TTLL11: variants seen among roughly 807,000 people sequenced by gnomAD.
TTLL11 encodes the protein tubulin polyglutamylase TTLL11.
A neutral mutation model predicts 51.7 loss-of-function variants in TTLL11; 42 were observed. That is an observed-to-expected ratio of 0.81 (90% CI 0.64 to 1.05). TTLL11 has a LOEUF of 1.05. Among genes scored for constraint, TTLL11 ranks in the 50% least tolerant of loss-of-function variants. TTLL11 has a pLI of 0.00. For synonymous variants in TTLL11, 381 were observed against 383.5 expected (o/e 0.99, Z 0.08); for missense variants, 799 against 940.4 (o/e 0.85, Z 1.97).
In TTLL11 at chr9:122,019,196, C is replaced by CT. The variant is rs544672600; in HGVS notation, c.693+12526dup. Among the ~76,000 whole-genome samples, 71 of 152,314 alleles carry CT rather than the reference C, an allele frequency of 4.7e-4. No homozygotes were observed. The South Asian group carries it at 8.3e-3, about 18-fold the overall frequency. Reference sequence around the variant, plus strand: ...TCCTGCCTGAGTGTCTCCATACAACCTTCAGCATCTCTTCTGCCTAGATGA... The same window carrying CT: ...TCCTGCCTGAGTGTCTCCATACAACCTTTCAGCATCTCTTCTGCCTAGATGA... On this transcript the variant is annotated intron_variant, in intron 3 of 8. Coordinates refer to ENST00000321582, the MANE Select transcript of TTLL11 (RefSeq NM_001139442.2).
At chr9:121,947,255 G>A (rs914185654) in intron 6 of TTLL11, among the ~76,000 whole-genome samples, 4 of 152,126 alleles carry the variant, frequency 2.6e-5, no homozygotes, top group Non-Finnish European at 5.9e-5. Flanking sequence ...CATGGAAATA[G>A]ACAAACACTA....
chr9:121,954,552 A>G (rs542308095), intron 6 of TTLL11, among the ~76,000 whole-genome samples: 3 of 152,236 alleles, frequency 2.0e-5, no homozygotes, highest in Non-Finnish European at 4.4e-5. Flanking sequence ...TAGCGTTCAT[A>G]ACCAGAACTA....
chr9:122,085,440 A>T (rs978255125), intron 1 of TTLL11, among the ~76,000 whole-genome samples: 1 of 152,150 alleles, frequency 6.6e-6, no homozygotes, highest in Non-Finnish European at 1.5e-5. Context: ...CATTCACCCA[A>T]AATGCAACTG....
intron 8 of TTLL11, among the ~76,000 whole-genome samples, chr9:121,826,217 TGCACAC>T (rs1212064205): frequency 2.4e-3 from 139 of 57,888 alleles, no homozygotes; most frequent in Admixed American, 3.7e-3. Context: ...TATATATATA[TGCACAC>T]ATATATATAT....
intron 6 of TTLL11, among the ~76,000 whole-genome samples, chr9:121,915,151 C>G (rs1840279316): frequency 6.6e-6 from 1 of 152,178 alleles, no homozygotes; most frequent in South Asian, 2.1e-4. Flanking sequence ...CTAGTGACCA[C>G]TGGACATAAA....
chr9:122,002,963 AAG>A lies in TTLL11; in HGVS notation c.694-13195_694-13194del, dbSNP rs1554780782. ...CTGTCTCAAAAAAAAAAAAAAAAAAAAGAGATCCCCAGCGTGTCGAGCCTCCC... is the reference window on the plus strand; with the variant it reads ...CTGTCTCAAAAAAAAAAAAAAAAAAAAGATCCCCAGCGTGTCGAGCCTCCC... On this transcript the variant is annotated intron_variant, in intron 3 of 8. Coordinates refer to ENST00000321582, the MANE Select transcript of TTLL11 (RefSeq NM_001139442.2). Among the ~76,000 whole-genome samples the A allele has an allele frequency of 8.0e-5, 12 of 150,102 alleles. 1 individual carries two copies. The highest frequency in any genetic ancestry group is 3.4e-3 in the Middle Eastern group (1 of 292).
At chr9:121,963,079 C>T (rs939770937) in intron 6 of TTLL11, among the ~76,000 whole-genome samples, 4 of 152,202 alleles carry the variant, frequency 2.6e-5, no homozygotes, top group African/African-American at 9.7e-5. Flanking sequence ...GTGGACTTGG[C>T]CATGCCACTC....
In TTLL11 at chr9:121,821,050, C is replaced by G. The variant is rs370258120; in HGVS notation, c.*1537G>C. ...CAGGCAAGGATGAACAGAGCAGCCC[C>G]TGCTCTGAAATCGCTTGCCAACAAT... On this transcript the variant is annotated 3_prime_UTR_variant, in exon 9 of 9. Transcript: ENST00000321582. This position sits in a 1 kb window ranked among gnomAD's most constrained non-coding sequence, Gnocchi z 5.0. Among the ~76,000 whole-genome samples, 1 of 152,062 alleles carries G rather than the reference C, an allele frequency of 6.6e-6. No individual in the cohort carries two copies. Among genetic ancestry groups the G allele is most frequent in the Non-Finnish European group, 1.5e-5 (1 of 68,006 alleles).
intron 3 of TTLL11, among the ~76,000 whole-genome samples, chr9:122,002,380 G>A (rs1408958752): frequency 6.6e-6 from 1 of 152,204 alleles, no homozygotes; most frequent in African/African-American, 2.4e-5. Flanking sequence ...AGGACAGGGA[G>A]GGAAGTTTTG....
chr9:121,825,903 G>A (rs1836737189), intron 8 of TTLL11, among the ~76,000 whole-genome samples: 1 of 151,384 alleles, frequency 6.6e-6, no homozygotes, highest in South Asian at 2.1e-4. Flanking sequence ...CGAGAAGTGG[G>A]ATCTCACTGT....
intron 1 of TTLL11, among the ~76,000 whole-genome samples, chr9:122,054,195 G>A (rs776152805): frequency 5.9e-5 from 9 of 152,008 alleles, no homozygotes; most frequent in Non-Finnish European, 1.2e-4. Context: ...CTGGAAGAGC[G>A]GTGGTGAGGC....
intron 1 of TTLL11, among the ~76,000 whole-genome samples, chr9:122,088,403 C>T (rs537347784): frequency 2.0e-5 from 3 of 152,314 alleles, no homozygotes; most frequent in African/African-American, 2.4e-5. Context: ...TCTACATCTG[C>T]GACCTCCAGC....
intron 3 of TTLL11, among the ~76,000 whole-genome samples, chr9:121,996,472 C>T (rs758948899): frequency 1.3e-5 from 2 of 152,192 alleles, no homozygotes; most frequent in Non-Finnish European, 2.9e-5. Context: ...CAGACACACA[C>T]ACACATGCAC....
At chr9:121,980,433 CA>C (rs2131671724) in intron 4 of TTLL11, among the ~76,000 whole-genome samples, 1 of 152,230 alleles carries the variant, frequency 6.6e-6, no homozygotes, top group South Asian at 2.1e-4. Flanking sequence ...GGAAAAGCAC[CA>C]AAAGCTCTGA....
At position 121,978,814 on chromosome 9, in the gene TTLL11, C is replaced by T. The variant is rs115986219; in HGVS notation, c.1270-3835G>A. On this transcript the variant is annotated intron_variant, in intron 4 of 8. Transcript: ENST00000321582. The stretch of plus-strand genomic sequence containing the variant: ...CTAACAGCAGTGGTTCGTTCCTGAG[C>T]CCCACGCCTACCCTTCCATCTGCAT... Among the ~76,000 whole-genome samples the T allele has an allele frequency of 7.4e-3, 1,134 of 152,220 alleles. 9 individuals are homozygous for T. Among genetic ancestry groups the T allele is most frequent in the African/African-American group, 0.026 (1,090 of 41,528 alleles).
intron 6 of TTLL11, among the ~76,000 whole-genome samples, chr9:121,954,003 A>G (rs1841941037): frequency 6.6e-6 from 1 of 152,204 alleles, no homozygotes; most frequent in African/African-American, 2.4e-5. Context: ...GAAGAGAGAA[A>G]GCCCAGATGA....
At chr9:122,015,820 A>G (rs1038121467) in intron 3 of TTLL11, among the ~76,000 whole-genome samples, 12 of 151,638 alleles carry the variant, frequency 7.9e-5, no homozygotes, top group Admixed American at 2.0e-4. Context: ...AAAAAAAAAA[A>G]AAAGAAAGAA....
chr9:121,928,453 T>C (rs1326064182), intron 6 of TTLL11, among the ~76,000 whole-genome samples: 1 of 151,590 alleles, frequency 6.6e-6, no homozygotes, highest in Non-Finnish European at 1.5e-5. Context: ...TTTTTTTTTT[T>C]TTTTTTGAGA....
At chr9:122,058,997 A>C (rs1386569782) in intron 1 of TTLL11, among the ~76,000 whole-genome samples, 1 of 151,952 alleles carries the variant, frequency 6.6e-6, no homozygotes, top group Non-Finnish European at 1.5e-5. Context: ...CAGCATCCAC[A>C]GCCTGCAGGT....
Sources: gnomAD v4.1 joint callset for allele counts (sites outside exome capture counted in the v4.1 genomes callset) on GRCh38, gnomAD v4.1.1 for gene constraint, Gnocchi (gnomAD v3.1) non-coding constraint, MANE v1.5 for transcripts, NCBI Gene and HGNC (gene_info 2026-07-23, HGNC 2026-07-21) for gene names.